The following TTN variants were observed in gnomAD, a reference collection of about 807,000 sequenced individuals.
TTN encodes the protein connectin.
Under a neutral mutation model 3,223.0 loss-of-function variants are expected in TTN, and 1,525 were observed. That is an observed-to-expected ratio of 0.47 (90% confidence interval 0.45 to 0.49). The LOEUF (loss-of-function observed/expected upper bound fraction) is 0.49. Ranked by LOEUF, TTN falls within the 20% of genes least tolerant of loss-of-function variation. The pLI is 0.00. For missense variants in TTN, 40,786 were observed against 43,424.0 expected, an observed-to-expected ratio of 0.94 and a Z score of 5.40; for synonymous variants, 14,094 against 15,161.0, an observed-to-expected ratio of 0.93 and a Z score of 5.17.
In TTN at chr2:178,555,217, C is replaced by T. The variant is rs1700904717; in HGVS notation, c.88307-65G>A. On this transcript the variant is annotated intron_variant, in intron 330 of 362. Transcript: ENST00000589042. Reference sequence around the variant, plus strand: ...AGGATGGAAAAAAAAATAGTTGCACCAACCTTAAAGTAAGGTCATTGGCCA... The same window carrying T: ...AGGATGGAAAAAAAAATAGTTGCACTAACCTTAAAGTAAGGTCATTGGCCA... 4 of 1,482,010 alleles carry T rather than the reference C, an allele frequency of 2.7e-6. No individual in the cohort carries two copies. In the Admixed American group the frequency reaches 6.3e-5, roughly 23 times the overall value. The allele number at this position is 1,482,010 out of a possible 1,614,324, so 91.8% of individuals were successfully genotyped here.
rs879054303 is a variant in TTN, at chr2:178,649,332, C to T, written c.39974-1G>A. On this transcript the variant is annotated splice_acceptor_variant, in intron 212 of 362. Coordinates refer to ENST00000589042, the MANE Select transcript of TTN (RefSeq NM_001267550.2). LOFTEE classifies it high-confidence loss of function. ...ACAAGTTTCTTGGGCACCTCAGGCA[C>T]TTTGAAGATATTAGTTTTGTTTTAA... The T allele has an allele frequency of 2.1e-6, 3 of 1,445,316 alleles. No homozygotes were observed. The highest frequency in any genetic ancestry group is 2.7e-6 in the Non-Finnish European group (3 of 1,105,126). 89.5% of individuals were successfully genotyped at this position (1,445,316 alleles called of 1,614,324 possible).
chr2:178,630,094 G>T, intron 239 of TTN, 147 bp downstream of exon 239: 1 of 1,146,484 alleles, frequency 8.7e-7, no homozygotes. Flanking sequence ...TTCTGTATTG[G>T]AATGTCAAAG....
intron 37 of TTN, among the ~76,000 whole-genome samples, 175 bp downstream of exon 37, chr2:178,769,481 CTCAAAATCTTGATCTCAAGTGAT>C: frequency 6.6e-6 from 1 of 151,738 alleles, no homozygotes; most frequent in Non-Finnish European, 1.5e-5. Flanking sequence ...CCAGCCTGGT[CTCAAAATCTTGATCTCAAGTGAT>C]TCTCCTGCCT....
In TTN at chr2:178,747,083, T is replaced by A; in HGVS notation, c.11312-5162A>T. On this transcript the variant is annotated intron_variant, in intron 47 of 362. Coordinates refer to ENST00000589042, the MANE Select transcript of TTN (RefSeq NM_001267550.2). Reference sequence around the variant, plus strand: ...TAGTGCCTCCCCTGGGGGTGTGGAATATCGCTCTAGAGTCTCTCCTGGGGG... The same window carrying A: ...TAGTGCCTCCCCTGGGGGTGTGGAAAATCGCTCTAGAGTCTCTCCTGGGGG... 2 of 1,612,244 alleles carry A rather than the reference T, an allele frequency of 1.2e-6. 1 individual carries two copies. The highest frequency in any genetic ancestry group is 1.7e-6 in the Non-Finnish European group (2 of 1,178,872).
At chr2:178,762,962 G>A (rs1286778287) in intron 43 of TTN, among the ~76,000 whole-genome samples, 1 of 152,190 alleles carries the variant, frequency 6.6e-6, no homozygotes, top group African/African-American at 2.4e-5. Flanking sequence ...TCCTGAGGAG[G>A]AAATAATTGG....
chr2:178,603,826 A>C (rs1559707590), intron 282 of TTN, 50 bp downstream of exon 282: 1 of 1,475,854 alleles, frequency 6.8e-7, no homozygotes, highest in Non-Finnish European at 9.1e-7. Flanking sequence ...TTATCCATTT[A>C]GTGACTTTGT....
intron 352 of TTN, 58 bp from the exon 353 acceptor site, chr2:178,539,309 C>G: frequency 1.3e-6 from 2 of 1,594,772 alleles, no homozygotes. Context: ...GTATTATAAG[C>G]CAATGACTTT....
intron 265 of TTN, 36 bp downstream of exon 265, chr2:178,612,737 A>G (rs369919422): frequency 6.3e-7 from 1 of 1,576,454 alleles, no homozygotes; most frequent in South Asian, 1.2e-5. Flanking sequence ...AGATATTAGA[A>G]GAATTTATAT....
chr2:178,770,019 T>C, intron 36 of TTN, 41 bp downstream of exon 36: 1 of 1,614,172 alleles, frequency 6.2e-7, no homozygotes, highest in Non-Finnish European at 8.5e-7. Flanking sequence ...ATACATGGGG[T>C]TCATTAAGGA....
intron 316 of TTN, 176 bp from the exon 317 acceptor site, chr2:178,580,785 T>A (rs1383942009): frequency 1.5e-6 from 1 of 673,272 alleles, no homozygotes; most frequent in Non-Finnish European, 2.4e-6. Context: ...ATTGTTGATC[T>A]TTCCATTTTC....
intron 295 of TTN, 129 bp downstream of exon 295, chr2:178,595,378 A>G (rs930372208): frequency 1.2e-6 from 1 of 802,350 alleles, no homozygotes; most frequent in Admixed American, 2.7e-5. Context: ...TCAGATACTG[A>G]GTAGTTGTGT....
At position 178,571,858 on chromosome 2, in the gene TTN, C is replaced by T; in HGVS notation, c.74274G>A (p.Gln24758=). 1 of 1,613,546 alleles carries T rather than the reference C, an allele frequency of 6.2e-7. No homozygotes were observed. Among genetic ancestry groups the T allele is most frequent in the Non-Finnish European group, 8.5e-7 (1 of 1,179,610 alleles). Reference sequence around the variant, plus strand: ...TGCTCTCTGCATTTACTCTAGTTGTCTGCTTCAGTGGTACATTATCTTTAT... The same window carrying T: ...TGCTCTCTGCATTTACTCTAGTTGTTTGCTTCAGTGGTACATTATCTTTAT... ...TWHKDNVPLK[Q]TTRVNAESTE... Residue 24758 remains glutamine (Q), a synonymous_variant, in exon 326 of 363, where the codon CAG becomes CAA. Coordinates refer to ENST00000589042, the MANE Select transcript of TTN (RefSeq NM_001267550.2).
chr2:178,597,842 A>G (rs757147056), intron 293 of TTN, 23 bp from the exon 294 acceptor site: 2 of 1,612,368 alleles, frequency 1.2e-6, no homozygotes, highest in Non-Finnish European at 1.7e-6. Context: ...GAAAATTACA[A>G]ATGTGATTTT....
In TTN at chr2:178,598,642, G is replaced by A; in HGVS notation, c.56975C>T (p.Pro18992Leu). 6.2e-7 allele frequency: 1 copy of A among 1,602,366 alleles called. No homozygotes were observed. Among genetic ancestry groups the A allele is most frequent in the Non-Finnish European group, 8.5e-7 (1 of 1,176,848 alleles). The change falls in exon 292 of 363, where the codon CCT (proline) becomes CTT (leucine). Residue 18992 changes from proline (P) to leucine (L), a missense_variant. Physicochemically the swap from Pro to Leu is moderately conservative, Grantham distance 98 (BLOSUM62 -3). Coordinates refer to ENST00000589042, the MANE Select transcript of TTN (RefSeq NM_001267550.2). The part of the protein sequence containing the change: ...TARDPIAPPG[P>L]PFPKVTDWTK... ...CCAATCTGTCACTTTGGGAAATGGA[G>A]GACCAGGAGGGGCTGCAAAGAGCCA...
In TTN at chr2:178,580,466, T is replaced by C; in HGVS notation, c.66913A>G (p.Arg22305Gly). The part of the protein sequence containing the change: ...WSKPNVNLRD[R>G]IGLDIKSTDF... ...GTTGACTTTATGTCCAGTCCAATCCTGTCTCTTAGATTGACATTTGGTTTA... is the reference window on the plus strand; with the variant it reads ...GTTGACTTTATGTCCAGTCCAATCCCGTCTCTTAGATTGACATTTGGTTTA... Residue 22305 changes from arginine to glycine, a missense_variant, in exon 317 of 363, where the codon AGG (arginine) becomes GGG (glycine). By Grantham distance (125) the Arg-to-Gly change is moderately radical (BLOSUM62 -2). Transcript: ENST00000589042. 1 of 1,613,122 alleles carries C rather than the reference T, an allele frequency of 6.2e-7. No homozygotes were observed. The highest frequency in any genetic ancestry group is 8.5e-7 in the Non-Finnish European group (1 of 1,179,426).
In TTN at chr2:178,565,547, C is replaced by T. The variant is rs929588706; in HGVS notation, c.80585G>A (p.Ser26862Asn). 2.5e-6 allele frequency: 4 copies of T among 1,613,430 alleles called. No homozygotes were observed. The highest frequency in any genetic ancestry group is 3.3e-5 in the Admixed American group (2 of 59,972). ...RVKAYNEKGKSDPRVLGVPVI... is the reference protein window; with the variant it reads ...RVKAYNEKGKNDPRVLGVPVI... The stretch of plus-strand genomic sequence containing the variant: ...AGGAACACCCAACACTCTTGGATCG[C>T]TTTTTCCTTTCTCATTATAAGCCTT... Residue 26862 changes from serine (S) to asparagine (N), a missense_variant, in exon 326 of 363, where the codon AGC (serine) becomes AAC (asparagine). Physicochemically the swap from Ser to Asn is conservative, Grantham distance 46 (BLOSUM62 1). Transcript: ENST00000589042.
At chr2:178,600,754 C>T in intron 288 of TTN, 100 bp downstream of exon 288, 1 of 1,404,950 alleles carries the variant, frequency 7.1e-7, no homozygotes. Context: ...ATAGTAGCTT[C>T]CTAAGGTACA....
chr2:178,705,198 G>A lies in TTN; in HGVS notation c.29580C>T (p.Ser9860=), dbSNP rs2075663934. ...LLQAFELLKQ[S]QEEETHRLEI... is the part of the protein sequence containing the mutation. ...CCAGTCTATGTGTCTCTTCTTCTTG[G>A]CTTTGCTTGAGCAGTTCAAATGCTT... The change falls in exon 103 of 363, where the codon AGC becomes AGT. Residue 9860 remains serine, a synonymous_variant. Transcript: ENST00000589042. The A allele has an allele frequency of 6.2e-7, 1 of 1,613,362 alleles. No homozygotes were observed. Among genetic ancestry groups the A allele is most frequent in the African/African-American group, 1.3e-5 (1 of 74,996 alleles).
intron 263 of TTN, 66 bp from the exon 264 acceptor site, chr2:178,613,342 T>A: frequency 8.3e-7 from 1 of 1,200,056 alleles, no homozygotes; most frequent in Non-Finnish European, 1.2e-6. Flanking sequence ...ATGTTTATTT[T>A]ACACAGAAGA....
Sources: gnomAD v4.1 joint callset for allele counts (sites outside exome capture counted in the v4.1 genomes callset) on GRCh38, gnomAD v4.1.1 for gene constraint, MANE v1.5 for transcripts, NCBI Gene and HGNC (gene_info 2026-07-23, HGNC 2026-07-21) for gene names.